HELZ: variants seen among roughly 807,000 people sequenced by gnomAD.
HELZ encodes helicase with zinc finger.
HELZ carries 23 observed loss-of-function variants against 218.2 expected under a neutral mutation model. The observed-to-expected ratio is 0.11, with a 90% CI of 0.08 to 0.15. HELZ has a LOEUF of 0.15. HELZ is among the 10% of genes least tolerant of loss of function. The pLI, the probability that HELZ is intolerant of heterozygous loss-of-function variation, is 1.00. For synonymous variants in HELZ, 814 were observed against 829.4 expected, an observed-to-expected ratio of 0.98 and a Z score of 0.32; for missense variants, 1,813 against 2,353.7, an observed-to-expected ratio of 0.77 and a Z score of 4.75.
rs746881117 is a variant in HELZ, at chr17:67,152,616, A to G, written c.2178-1392T>C. Among the ~76,000 whole-genome samples the G allele has an allele frequency of 2.6e-5, 4 of 152,236 alleles. No individual in the cohort carries two copies. In the East Asian group the frequency reaches 7.7e-4, roughly 29 times the overall value. On this transcript the variant is annotated intron_variant, in intron 17 of 32. Coordinates refer to ENST00000358691, the MANE Select transcript of HELZ (RefSeq NM_014877.4). ...GGGAATTCAGAATTTCGTTTTGGGC[A>G]TATTCAGTAGATATCCAAGTGGATA...
intron 15 of HELZ, among the ~76,000 whole-genome samples, chr17:67,165,407 C>G (rs945802940): frequency 9.9e-5 from 15 of 152,134 alleles, no homozygotes; most frequent in African/African-American, 3.4e-4. Context: ...TCACTCTTCC[C>G]CTGTCGGCCA....
chr17:67,234,496 T>C (rs1598477387), intron 3 of HELZ, among the ~76,000 whole-genome samples: 1 of 151,808 alleles, frequency 6.6e-6, no homozygotes, highest in Admixed American at 6.6e-5. Context: ...CTAAAGGCCC[T>C]GTCTCTCAGT....
intron 13 of HELZ, among the ~76,000 whole-genome samples, chr17:67,169,435 G>C (rs138615858): frequency 0.011 from 1,650 of 152,226 alleles, 19 homozygotes; most frequent in South Asian, 0.017. Context: ...AAAAGCAATG[G>C]CAAGAGAGGA....
chr17:67,123,942 T>C (rs200809328), intron 25 of HELZ, 21 bp downstream of exon 25: 173 of 1,580,962 alleles, frequency 1.1e-4, no homozygotes, highest in Non-Finnish European at 1.5e-4. Flanking sequence ...CAAGTTTTCA[T>C]AGGGTAATTT....
chr17:67,215,270 T>C (rs1314055500), intron 5 of HELZ, among the ~76,000 whole-genome samples: 1 of 152,100 alleles, frequency 6.6e-6, no homozygotes, highest in Admixed American at 6.5e-5. Context: ...CCTTTCAATT[T>C]ATCTAGCTAA....
chr17:67,109,643 C>T lies in HELZ; in HGVS notation c.3962G>A (p.Arg1321His), dbSNP rs755830656. Residue 1321 changes from arginine (R) to histidine (H), a missense_variant, in exon 29 of 33, where the codon CGT becomes CAT. Physicochemically the swap from Arg to His is conservative, Grantham distance 29. This residue lies in a region of HELZ where 938 missense variants were observed against 1,027.5 expected (regional missense o/e 0.91). Transcript: ENST00000358691. The part of the protein sequence containing the change: ...SNPQNRSPES[R>H]PSVVYPSTKF... ...GGTACTGGGATAAACAACACTAGGA[C>T]GTGATTCAGGACTTCTGTTCTGTGG... 5.0e-6 allele frequency: 8 copies of T among 1,613,820 alleles called. No homozygotes were observed. Among genetic ancestry groups the T allele is most frequent in the South Asian group, 3.3e-5 (3 of 91,066 alleles).
At chr17:67,115,166 GAAGA>G (rs1305217126) in intron 27 of HELZ, among the ~76,000 whole-genome samples, 1 of 152,058 alleles carries the variant, frequency 6.6e-6, no homozygotes, top group African/African-American at 2.4e-5. Context: ...TATCGGAGAT[GAAGA>G]AAGCACTGAA....
chr17:67,090,205 TATTAC>T (rs2036538117), intron 31 of HELZ, among the ~76,000 whole-genome samples: 1 of 152,196 alleles, frequency 6.6e-6, no homozygotes, highest in Non-Finnish European at 1.5e-5. Context: ...TAGAATGGTG[TATTAC>T]ATTAATTTAT....
intron 5 of HELZ, among the ~76,000 whole-genome samples, chr17:67,213,568 C>T (rs1366172826): frequency 3.9e-5 from 6 of 151,922 alleles, no homozygotes; most frequent in African/African-American, 1.5e-4. Context: ...GTCACAGTGA[C>T]CCGAGATCAC....
At chr17:67,163,230 G>C (rs796378995) in intron 15 of HELZ, among the ~76,000 whole-genome samples, 38 of 152,252 alleles carry the variant, frequency 2.5e-4, no homozygotes, top group African/African-American at 8.4e-4. Flanking sequence ...GATATTACTT[G>C]ACTAGTACAT....
intron 31 of HELZ, among the ~76,000 whole-genome samples, chr17:67,093,514 A>C (rs950120290): frequency 6.6e-6 from 1 of 152,242 alleles, no homozygotes; most frequent in Admixed American, 6.5e-5. Flanking sequence ...GCTGTCCAAA[A>C]ACTATTTCCT....
chr17:67,085,410 A>G (rs1024397400), intron 32 of HELZ, among the ~76,000 whole-genome samples: 3 of 152,212 alleles, frequency 2.0e-5, no homozygotes, highest in Admixed American at 2.0e-4. Context: ...TGACAGAGCA[A>G]GACCCTGTCT....
intron 10 of HELZ, among the ~76,000 whole-genome samples, 182 bp from the exon 11 acceptor site, chr17:67,189,878 A>G (rs2039849562): frequency 6.6e-6 from 1 of 152,206 alleles, no homozygotes; most frequent in Non-Finnish European, 1.5e-5. Flanking sequence ...CTAAAATAAG[A>G]GAGAAAAGAA....
chr17:67,222,620 T>C (rs554354983), intron 3 of HELZ, among the ~76,000 whole-genome samples: 1 of 152,290 alleles, frequency 6.6e-6, no homozygotes, highest in South Asian at 2.1e-4. Context: ...TGGAACTCAA[T>C]ACAACGCATG....
At chr17:67,212,935 C>T (rs775837306) in intron 5 of HELZ, among the ~76,000 whole-genome samples, 3 of 152,176 alleles carry the variant, frequency 2.0e-5, no homozygotes, top group Non-Finnish European at 4.4e-5. Context: ...CAAAAGTATA[C>T]TCATTTCATG....
At chr17:67,205,324 CAAAA>C (rs750485034) in intron 5 of HELZ, among the ~76,000 whole-genome samples, 1 of 120,342 alleles carries the variant, frequency 8.3e-6, no homozygotes. Flanking sequence ...GAAACTGTCT[CAAAA>C]AAAAAAAAAA....
At chr17:67,106,235 A>G (rs1328803037) in intron 31 of HELZ, among the ~76,000 whole-genome samples, 2 of 150,464 alleles carry the variant, frequency 1.3e-5, no homozygotes, top group Non-Finnish European at 2.9e-5. Context: ...TATAACCTGG[A>G]ATTACTAAGT....
At chr17:67,223,092 A>G (rs1384280715) in intron 3 of HELZ, among the ~76,000 whole-genome samples, 1 of 62,566 alleles carries the variant, frequency 1.6e-5, no homozygotes, top group Admixed American at 1.3e-4. Flanking sequence ...CTAAAAATAC[A>G]AAAAAAAAAA....
intron 5 of HELZ, chr17:67,215,679 G>A: frequency 3.6e-6 from 2 of 549,756 alleles, no homozygotes; most frequent in Non-Finnish European, 6.7e-6. Flanking sequence ...CATCATCAAT[G>A]TTCCCAGGGG....
Sources: gnomAD v4.1 joint callset for allele counts (sites outside exome capture counted in the v4.1 genomes callset) on GRCh38, gnomAD v4.1.1 for gene constraint, gnomAD v4.1.1 regional missense constraint, MANE v1.5 for transcripts, NCBI Gene and HGNC (gene_info 2026-07-23, HGNC 2026-07-21) for gene names.